LINGO2: variants seen among roughly 807,000 people sequenced by gnomAD.
The protein encoded by LINGO2 is leucine-rich repeat and immunoglobulin-like domain-containing nogo receptor-interacting protein 2.
Under a neutral mutation model 30.6 loss-of-function variants are expected in LINGO2, and 14 were observed. The ratio of observed to expected loss-of-function variants is 0.46; its 90% confidence interval spans 0.30 to 0.72. The LOEUF is 0.72. LINGO2 is among the 30% of genes least tolerant of loss of function. LINGO2 has a pLI of 0.07. For synonymous variants in LINGO2, 317 were observed against 288.5 expected, an observed-to-expected ratio of 1.10 and a Z score of -1.00; for missense variants, 729 against 751.7, an observed-to-expected ratio of 0.97 and a Z score of 0.35.
the LINGO2 span, among the ~76,000 whole-genome samples, chr9:28,985,199 C>T: frequency 0.51 from 78,242 of 151,930 alleles, 21,263 homozygotes; most frequent in Non-Finnish European, 0.6. Flanking sequence ...GACAGAATTT[C>T]GTTCTTTATT....
At position 28,532,935 on chromosome 9, in the gene LINGO2, G is replaced by A. The variant is rs116889515; in HGVS notation, c.-364-56910C>T. Among the ~76,000 whole-genome samples, 1,398 of 152,154 alleles carry A rather than the reference G, an allele frequency of 9.2e-3. 35 individuals are homozygous for A. Among genetic ancestry groups the A allele is most frequent in the East Asian group, 0.087 (445 of 5,144 alleles). ...TTCACAAGGCAATCCTTTGCACCCT[G>A]TTGATGACATACTTGGCTCTTTGGT... On this transcript the variant is annotated intron_variant, in intron 1 of 5. Transcript: ENST00000379992.
rs556354857 is a variant in LINGO2 at position 28,250,359 on chromosome 9, C to A, written c.-87+44849G>T. ...AAGTCTTTCAAAGTTGAAGAACAGG[C>A]TGACTGGCTAGAGAATTTAGCACAG... On this transcript the variant is annotated intron_variant, in intron 4 of 5. Coordinates refer to ENST00000379992, the Ensembl canonical transcript of LINGO2. Among the ~76,000 whole-genome samples, 8 of 152,298 alleles carry A rather than the reference C, an allele frequency of 5.3e-5. No individual in the cohort carries two copies. In the South Asian group the frequency reaches 1.7e-3, roughly 32 times the overall value.
the LINGO2 span, among the ~76,000 whole-genome samples, chr9:29,017,342 A>T: frequency 6.6e-6 from 1 of 152,190 alleles, no homozygotes; most frequent in African/African-American, 2.4e-5. Flanking sequence ...CAAGTTACCA[A>T]AGTCATCACA....
chr9:27,950,295 G>A lies in LINGO2; in HGVS notation c.377C>T (p.Thr126Met), dbSNP rs540601601. ...AAGCTTAGTGAGATTGGACAGCCCC[G>A]TGAATACTCCCAAAGGGACCAGCTT... Residue 126 changes from threonine (T) to methionine (M), a missense_variant, in exon 6 of 6, where the codon ACG becomes ATG. Coordinates refer to ENST00000379992, the Ensembl canonical transcript of LINGO2. 5.6e-6 allele frequency: 9 copies of A among 1,614,088 alleles called. No individual in the cohort carries two copies. Among genetic ancestry groups the A allele is most frequent in the Middle Eastern group, 1.7e-4 (1 of 6,060 alleles).
chr9:28,174,923 A>T (rs1377048), intron 4 of LINGO2, among the ~76,000 whole-genome samples: 9,245 of 55,504 alleles, frequency 0.17, 260 homozygotes, highest in African/African-American at 0.25. Flanking sequence ...TGTGTGTGTG[A>T]GAGAGAGAGA....
chr9:29,128,815 T>C, the LINGO2 span, among the ~76,000 whole-genome samples: 3 of 152,100 alleles, frequency 2.0e-5, no homozygotes, highest in Admixed American at 1.3e-4. Context: ...ATGTGTTTAT[T>C]TGCATGTACA....
chr9:29,157,070 C>A, the LINGO2 span, among the ~76,000 whole-genome samples: 1 of 151,936 alleles, frequency 6.6e-6, no homozygotes, highest in Non-Finnish European at 1.5e-5. Flanking sequence ...CATATAATCT[C>A]CAACATCCCC....
At chr9:28,653,539 C>T (rs150939220) in intron 1 of LINGO2, among the ~76,000 whole-genome samples, 15 of 152,220 alleles carry the variant, frequency 9.9e-5, no homozygotes, top group African/African-American at 3.6e-4. Flanking sequence ...ATTTAATCAA[C>T]CAGTACCATC....
chr9:28,685,055 C>T, the LINGO2 span, among the ~76,000 whole-genome samples: 1 of 152,118 alleles, frequency 6.6e-6, no homozygotes, highest in African/African-American at 2.4e-5. Flanking sequence ...GTTTAGCTTC[C>T]ACTTATAACT....
chr9:28,367,564 G>C (rs985639313), intron 3 of LINGO2, among the ~76,000 whole-genome samples: 3 of 151,806 alleles, frequency 2.0e-5, no homozygotes, highest in Non-Finnish European at 4.4e-5. Flanking sequence ...TGAGAGTATT[G>C]CTCCATGGAA....
At chr9:28,041,608 T>C (rs1824198290) in intron 4 of LINGO2, among the ~76,000 whole-genome samples, 1 of 152,162 alleles carries the variant, frequency 6.6e-6, no homozygotes, top group East Asian at 1.9e-4. Context: ...TGACTTGAGA[T>C]GTAAAATCCA....
At chr9:28,842,862 AC>A in the LINGO2 span, among the ~76,000 whole-genome samples, 44 of 152,022 alleles carry the variant, frequency 2.9e-4, no homozygotes, top group African/African-American at 1.0e-3. Context: ...TTATAAAGTT[AC>A]TCTGAGATGA....
chr9:28,870,130 T>A, the LINGO2 span, among the ~76,000 whole-genome samples: 1 of 152,020 alleles, frequency 6.6e-6, no homozygotes, highest in Non-Finnish European at 1.5e-5. Flanking sequence ...TTCATTGAAA[T>A]GGTACACAAT....
At chr9:28,490,515 T>C (rs1826353969) in intron 1 of LINGO2, among the ~76,000 whole-genome samples, 1 of 152,174 alleles carries the variant, frequency 6.6e-6, no homozygotes, top group South Asian at 2.1e-4. Flanking sequence ...GAGTCATAAA[T>C]ACAGTGAGTG....
chr9:29,058,822 G>A, the LINGO2 span, among the ~76,000 whole-genome samples: 2 of 151,792 alleles, frequency 1.3e-5, no homozygotes, highest in East Asian at 3.9e-4. Flanking sequence ...AAATTTTAAT[G>A]TACTGAAAGA....
intron 4 of LINGO2, among the ~76,000 whole-genome samples, chr9:28,254,832 T>C (rs1195115704): frequency 6.6e-6 from 1 of 152,104 alleles, no homozygotes; most frequent in African/African-American, 2.4e-5. Context: ...ACTTGTGTCA[T>C]GGGGGTTTGT....
the LINGO2 span, among the ~76,000 whole-genome samples, chr9:28,900,430 G>A: frequency 1.8e-4 from 27 of 152,304 alleles, no homozygotes; most frequent in Non-Finnish European, 2.5e-4. Context: ...CTTCAGTTCA[G>A]ACTTTATGGA....
At chr9:29,012,554 A>G in the LINGO2 span, among the ~76,000 whole-genome samples, 1 of 152,146 alleles carries the variant, frequency 6.6e-6, no homozygotes, top group East Asian at 1.9e-4. Flanking sequence ...AGTAGGTTTT[A>G]TCATTCTAAC....
At chr9:28,803,945 A>T in the LINGO2 span, among the ~76,000 whole-genome samples, 2 of 152,096 alleles carry the variant, frequency 1.3e-5, no homozygotes, top group Non-Finnish European at 2.9e-5. Context: ...AGAATTATAA[A>T]GGTAAGTGTG....
Sources: allele counts gnomAD v4.1 joint callset (sites outside exome capture counted in the v4.1 genomes callset), GRCh38; gene constraint gnomAD v4.1.1; transcripts MANE v1.5; gene names NCBI Gene and HGNC (gene_info 2026-07-23, HGNC 2026-07-21).